The following OPHN1 variants were observed in gnomAD, a reference collection of about 807,000 sequenced individuals.
OPHN1 encodes oligophrenin 1.
OPHN1 carries 11 observed loss-of-function variants against 60.7 expected under a neutral mutation model. That is an observed-to-expected ratio of 0.18 (90% confidence interval 0.11 to 0.30). OPHN1 has a LOEUF of 0.30. Ranked by LOEUF, OPHN1 falls within the 10% of genes least tolerant of loss-of-function variation. The pLI is 1.00. For missense variants in OPHN1, 449 were observed against 611.0 expected (o/e 0.73, Z 2.80); for synonymous variants, 226 against 222.6 (o/e 1.02, Z -0.14).
intron 5 of OPHN1, among the ~76,000 whole-genome samples, chrX:68,262,629 CA>C (rs1163667805): frequency 8.9e-6 from 1 of 112,005 alleles, no homozygotes; most frequent in Non-Finnish European, 1.9e-5. Context: ...ACTAAAAATA[CA>C]AATAAAATTA....
At chrX:68,130,501 G>A (rs1390648285) in intron 15 of OPHN1, among the ~76,000 whole-genome samples, 2 of 111,320 alleles carry the variant, frequency 1.8e-5, no homozygotes, top group African/African-American at 6.5e-5. Context: ...ATACTAAAGA[G>A]GGAAATTATT....
chrX:68,121,282 A>G (rs1285780819), intron 15 of OPHN1, among the ~76,000 whole-genome samples: 3 of 112,442 alleles, frequency 2.7e-5, no homozygotes, highest in African/African-American at 9.7e-5. Flanking sequence ...AGTAACTCAA[A>G]CAACTAAATA....
chrX:68,385,912 G>T (rs1356109911), intron 2 of OPHN1, among the ~76,000 whole-genome samples: 2 of 112,096 alleles, frequency 1.8e-5, no homozygotes, highest in Non-Finnish European at 3.8e-5. Context: ...CGCTCTGCTG[G>T]TTGCATGTGT....
rs970402565 is a variant in OPHN1 at position 68,370,560 on chromosome X, T to A, written c.154+62307A>T. On this transcript the variant is annotated intron_variant, in intron 2 of 24. Coordinates refer to ENST00000355520, the MANE Select transcript of OPHN1 (RefSeq NM_002547.3). ...AGTTACTCAAAACCACATTAAGACA[T>A]AAGGATCTCTGGTAAAGGTAACTAC... Among the ~76,000 whole-genome samples the A allele has an allele frequency of 1.2e-4, 13 of 108,770 alleles. No individual in the cohort carries two copies. The Admixed American group carries it at 1.3e-3, about 11-fold the overall frequency. The allele number at this position is 108,770 out of a possible 115,157, so 94.5% of individuals were successfully genotyped here. A position where few individuals can be genotyped will look rare whatever the true frequency, so the allele number is the denominator to read the frequency against.
At chrX:68,202,005 G>A (rs1283821184) in intron 10 of OPHN1, among the ~76,000 whole-genome samples, 1 of 111,846 alleles carries the variant, frequency 8.9e-6, no homozygotes, top group Admixed American at 9.5e-5. Context: ...CATGTAAGGG[G>A]AGTGTAGGAG....
chrX:68,363,343 C>T (rs1354305711), intron 2 of OPHN1, among the ~76,000 whole-genome samples: 6 of 111,322 alleles, frequency 5.4e-5, no homozygotes, highest in Non-Finnish European at 1.1e-4. Context: ...GAGTTTCACT[C>T]TTGTCACCCA....
intron 2 of OPHN1, among the ~76,000 whole-genome samples, chrX:68,301,145 T>G (rs972614116): frequency 4.5e-5 from 5 of 111,670 alleles, no homozygotes; most frequent in Non-Finnish European, 9.4e-5. Flanking sequence ...ACAAATTCCA[T>G]TCAAAAATAT....
chrX:68,274,964 G>C (rs2077985946), intron 4 of OPHN1, among the ~76,000 whole-genome samples, 155 bp from the exon 5 acceptor site: 1 of 112,076 alleles, frequency 8.9e-6, no homozygotes, highest in Admixed American at 9.5e-5. Context: ...TTTCTATATT[G>C]TTTCTGAAAA....
intron 23 of OPHN1, among the ~76,000 whole-genome samples, 182 bp from the exon 24 acceptor site, chrX:68,048,639 G>A (rs1388751844): frequency 8.9e-6 from 1 of 111,998 alleles, no homozygotes; most frequent in East Asian, 2.8e-4. Flanking sequence ...TCCTTCTCTG[G>A]CAGGCTTAAA....
At chrX:68,427,466 C>G (rs1322703026) in intron 2 of OPHN1, among the ~76,000 whole-genome samples, 1 of 110,452 alleles carries the variant, frequency 9.1e-6, no homozygotes, top group African/African-American at 3.3e-5. Context: ...AATGTTAGAG[C>G]TCAAAGTGGG....
At chrX:68,048,961 G>A (rs183468787) in intron 23 of OPHN1, among the ~76,000 whole-genome samples, 2 of 111,495 alleles carry the variant, frequency 1.8e-5, no homozygotes, top group African/African-American at 3.3e-5. Flanking sequence ...AGAGCATTAC[G>A]TACAACAGCT....
intron 2 of OPHN1, among the ~76,000 whole-genome samples, chrX:68,427,745 T>G (rs1156725205): frequency 3.6e-5 from 4 of 109,980 alleles, no homozygotes; most frequent in African/African-American, 1.3e-4. Flanking sequence ...AGAGCCAGAC[T>G]TGTAGAGCTG....
At chrX:68,199,353 T>C (rs2077525337) in intron 11 of OPHN1, among the ~76,000 whole-genome samples, 1 of 110,616 alleles carries the variant, frequency 9.0e-6, no homozygotes, top group South Asian at 3.9e-4. Flanking sequence ...AATAAAAAAT[T>C]AGCCAGATAT....
At chrX:68,404,417 C>G (rs190426433) in intron 2 of OPHN1, among the ~76,000 whole-genome samples, 125 of 111,242 alleles carry the variant, frequency 1.1e-3, no homozygotes, top group Non-Finnish European at 2.0e-3. Context: ...CTTGGCCTCC[C>G]AAAGTGCTGG....
intron 5 of OPHN1, among the ~76,000 whole-genome samples, chrX:68,242,671 G>C (rs1011945524): frequency 1.8e-5 from 2 of 110,906 alleles, no homozygotes; most frequent in Admixed American, 9.7e-5. Context: ...AAACCCAAAT[G>C]TCTATCAATT....
intron 15 of OPHN1, among the ~76,000 whole-genome samples, chrX:68,150,691 T>C (rs754178140): frequency 1.8e-5 from 2 of 111,660 alleles, no homozygotes; most frequent in Admixed American, 9.5e-5. Flanking sequence ...AAAAAGATTC[T>C]AGGACTTTGA....
At chrX:68,111,047 C>CTT (rs1172254322) in intron 18 of OPHN1, among the ~76,000 whole-genome samples, 1 of 112,226 alleles carries the variant, frequency 8.9e-6, no homozygotes, top group Non-Finnish European at 1.9e-5. Flanking sequence ...ATTACTGCAT[C>CTT]TTTTGAGTAT....
chrX:68,265,316 T>C (rs1444684529), intron 5 of OPHN1, among the ~76,000 whole-genome samples: 1 of 111,591 alleles, frequency 9.0e-6, no homozygotes, highest in Non-Finnish European at 1.9e-5. Flanking sequence ...AGCCAGGTAC[T>C]CCTCTGAGAC....
rs199937682 is a variant in OPHN1 at position 68,141,904 on chromosome X, TAAAGAAAGAAAGAAAGAAAGAAAGAAAG to T, written c.1277-22600_1277-22573del. 3.2e-3 allele frequency among the ~76,000 whole-genome samples: 288 copies of T among 90,238 alleles called. 1 individual carries two copies. The highest frequency in any genetic ancestry group is 5.3e-3 in the Middle Eastern group (1 of 187). 78.4% of individuals were successfully genotyped at this position (90,238 alleles called of 115,157 possible). On this transcript the variant is annotated intron_variant, in intron 15 of 24. Transcript: ENST00000355520. ...TAGCAGAAAAGATGGTGATGTTAAT[TAAAGAAAGAAAGAAAGAAAGAAAGAAAG>T]AAAGAAAGAAAGAAAGAAAGAAAGA...
Sources: gnomAD v4.1 joint callset for allele counts (sites outside exome capture counted in the v4.1 genomes callset) on GRCh38, gnomAD v4.1.1 for gene constraint, MANE v1.5 for transcripts, NCBI Gene and HGNC (gene_info 2026-07-23, HGNC 2026-07-21) for gene names.